GMDS: variants seen among roughly 807,000 people sequenced by gnomAD.
The protein encoded by GMDS is GDP-mannose 4,6 dehydratase.
Under a neutral mutation model 49.9 loss-of-function variants are expected in GMDS, and 20 were observed. The ratio of observed to expected loss-of-function variants is 0.40; its 90% confidence interval spans 0.28 to 0.58. The LOEUF is 0.58. GMDS is among the 20% of genes least tolerant of loss of function. The probability of loss-of-function intolerance (pLI) is 0.42; values close to 1 mark genes in which losing one functional copy is unlikely to be tolerated. For synonymous variants in GMDS, 177 were observed against 178.6 expected (o/e 0.99, Z 0.07); for missense variants, 362 against 481.4 (o/e 0.75, Z 2.32).
chr6:2,164,556 A>C (rs935543339), intron 1 of GMDS, among the ~76,000 whole-genome samples: 1 of 152,194 alleles, frequency 6.6e-6, no homozygotes, highest in Admixed American at 6.5e-5. Flanking sequence ...TCCACTGGCA[A>C]AGAGGACTCA....
intron 7 of GMDS, among the ~76,000 whole-genome samples, chr6:1,928,477 A>G (rs1236189503): frequency 6.6e-6 from 1 of 152,228 alleles, no homozygotes; most frequent in Non-Finnish European, 1.5e-5. Flanking sequence ...GTATTTTTAC[A>G]TAACAAGCCT....
At chr6:1,751,522 T>A (rs1431714871) in intron 7 of GMDS, among the ~76,000 whole-genome samples, 5 of 152,206 alleles carry the variant, frequency 3.3e-5, no homozygotes, top group Non-Finnish European at 7.3e-5. Flanking sequence ...TGAGATGGAA[T>A]GTCGCTCTGT....
chr6:1,722,104 A>C (rs1444061440), intron 9 of GMDS, among the ~76,000 whole-genome samples: 1 of 122,272 alleles, frequency 8.2e-6, no homozygotes, highest in Non-Finnish European at 1.6e-5. Flanking sequence ...TCTTGCTTTG[A>C]CGCCCAGGCT....
chr6:2,205,256 C>A (rs1779754094), intron 1 of GMDS, among the ~76,000 whole-genome samples: 1 of 152,144 alleles, frequency 6.6e-6, no homozygotes, highest in South Asian at 2.1e-4. Flanking sequence ...GCTGTATGTT[C>A]TTTGCTTTTA....
At chr6:1,663,735 G>C (rs1289408111) in intron 9 of GMDS, among the ~76,000 whole-genome samples, 2 of 152,176 alleles carry the variant, frequency 1.3e-5, no homozygotes, top group African/African-American at 4.8e-5. Context: ...CCGGTGACTG[G>C]TGAAGATCCG....
chr6:1,869,008 T>C (rs1758589584), intron 7 of GMDS, among the ~76,000 whole-genome samples: 1 of 152,204 alleles, frequency 6.6e-6, no homozygotes, highest in Non-Finnish European at 1.5e-5. Context: ...AAAATAGGGA[T>C]ATGAAACCAT....
intron 1 of GMDS, among the ~76,000 whole-genome samples, chr6:2,243,256 C>T (rs1328339105): frequency 6.6e-6 from 1 of 152,208 alleles, no homozygotes; most frequent in Non-Finnish European, 1.5e-5. Flanking sequence ...CCATGACAGG[C>T]TGCAGGACAA....
At chr6:1,715,965 A>G (rs1481112925) in intron 9 of GMDS, among the ~76,000 whole-genome samples, 1 of 152,230 alleles carries the variant, frequency 6.6e-6, no homozygotes, top group Non-Finnish European at 1.5e-5. Context: ...GTTTTAGATG[A>G]CGATGTTAGG....
chr6:1,653,594 T>A (rs1211487317), intron 9 of GMDS, among the ~76,000 whole-genome samples: 1 of 152,154 alleles, frequency 6.6e-6, no homozygotes, highest in Admixed American at 6.5e-5. Context: ...GGAACCAGCA[T>A]AAAGACAGAC....
At chr6:1,892,821 T>C (rs946443096) in intron 7 of GMDS, among the ~76,000 whole-genome samples, 4 of 152,364 alleles carry the variant, frequency 2.6e-5, no homozygotes, top group African/African-American at 9.6e-5. Flanking sequence ...AGCCAATGCC[T>C]TGGCCTACTG....
chr6:2,013,938 ATATATATATATATATATATATG>A (rs1182837250), intron 4 of GMDS, among the ~76,000 whole-genome samples: 49 of 15,414 alleles, frequency 3.2e-3, no homozygotes, highest in African/African-American at 4.3e-3. Context: ...ATATATATAT[ATATATATATATATATATATATG>A]CATATCATAA....
At chr6:2,065,144 C>A (rs1771475547) in intron 4 of GMDS, among the ~76,000 whole-genome samples, 1 of 152,160 alleles carries the variant, frequency 6.6e-6, no homozygotes, top group South Asian at 2.1e-4. Context: ...AACTGGGAGG[C>A]ACCCCCCAGC....
rs1756946338 is a variant in GMDS, at chr6:1,836,732, T to A, written c.771+93371A>T. ...CCCCTCTTCTTCTTATAAAACTCTA[T>A]GGACTCTGGCAAACCCTTCATTCTT... On this transcript the variant is annotated intron_variant, in intron 7 of 10. Coordinates refer to ENST00000380815, the MANE Select transcript of GMDS (RefSeq NM_001500.4). This position sits in a 1 kb window ranked among gnomAD's most constrained non-coding sequence, Gnocchi z 4.2. Among the ~76,000 whole-genome samples, 1 of 152,242 alleles carries A rather than the reference T, an allele frequency of 6.6e-6. No individual in the cohort carries two copies. Among genetic ancestry groups the A allele is most frequent in the African/African-American group, 2.4e-5 (1 of 41,470 alleles).
Position 1,742,509 on chromosome 6 carries a change from TTCCCGGACACTATGGACC to T in GMDS, c.831_848del (p.Val278_Glu283del), listed in dbSNP as rs768052375. On this transcript the variant is annotated inframe_deletion, in exon 8 of 11. Coordinates refer to ENST00000380815, the MANE Select transcript of GMDS (RefSeq NM_001500.4). ...TGTGCAAGAATGATTTCTCGACAAA[TTCCCGGACACTATGGACC>T]TCCCCAGTAGCTATAACGAAGTCCT... is the stretch of plus-strand genomic sequence containing the variant. 1 of 1,611,208 alleles carries T rather than the reference TTCCCGGACACTATGGACC, an allele frequency of 6.2e-7. No homozygotes were observed. The highest frequency in any genetic ancestry group is 8.5e-7 in the Non-Finnish European group (1 of 1,177,468).
Position 2,211,444 on chromosome 6 carries a change from T to G in GMDS, c.102+33877A>C, listed in dbSNP as rs1412615982. On this transcript the variant is annotated intron_variant, in intron 1 of 10. Coordinates refer to ENST00000380815, the MANE Select transcript of GMDS (RefSeq NM_001500.4). ...TTTTTAATGTGTATAACACTTTCAA[T>G]TACTTTCTCCTACAATTCTCTAATT... Among the ~76,000 whole-genome samples the G allele has an allele frequency of 4.6e-5, 7 of 152,318 alleles. No individual in the cohort carries two copies. The South Asian group carries it at 1.2e-3, about 27-fold the overall frequency.
At chr6:2,116,132 T>C (rs1774835470) in intron 3 of GMDS, among the ~76,000 whole-genome samples, 1 of 152,120 alleles carries the variant, frequency 6.6e-6, no homozygotes, top group Admixed American at 6.5e-5. Context: ...TAAAGCACAG[T>C]ATCACGAACA....
intron 7 of GMDS, among the ~76,000 whole-genome samples, chr6:1,897,780 C>T (rs553163878): frequency 3.9e-5 from 6 of 152,338 alleles, no homozygotes; most frequent in Admixed American, 1.3e-4. Flanking sequence ...CCTCTATGTA[C>T]GTACTCATTA....
At chr6:1,928,182 C>G (rs1762115662) in intron 7 of GMDS, among the ~76,000 whole-genome samples, 1 of 151,976 alleles carries the variant, frequency 6.6e-6, no homozygotes. Flanking sequence ...CTGGTCAACA[C>G]AGTGAAACCC....
chr6:1,919,584 C>T (rs1317783928), intron 7 of GMDS, among the ~76,000 whole-genome samples: 1 of 152,182 alleles, frequency 6.6e-6, no homozygotes, highest in Non-Finnish European at 1.5e-5. Context: ...AACTATACCT[C>T]AAATTTATCT....
Sources: allele counts gnomAD v4.1 joint callset (sites outside exome capture counted in the v4.1 genomes callset), GRCh38; gene constraint gnomAD v4.1.1; non-coding constraint Gnocchi (gnomAD v3.1); transcripts MANE v1.5; gene names NCBI Gene and HGNC (gene_info 2026-07-23, HGNC 2026-07-21).